The following VAV2 variants were observed in gnomAD, a reference collection of about 807,000 sequenced individuals.
VAV2 encodes the protein guanine nucleotide exchange factor VAV2.
A neutral mutation model predicts 132.5 loss-of-function variants in VAV2; 67 were observed. That is an observed-to-expected ratio of 0.51 (90% CI 0.42 to 0.62). The LOEUF is 0.62. Among genes scored for constraint, VAV2 ranks in the 20% least tolerant of loss-of-function variants. The pLI, the probability that VAV2 is intolerant of heterozygous loss-of-function variation, is 0.00. For missense variants in VAV2, 938 were observed against 1,153.6 expected (o/e 0.81, Z 2.71); for synonymous variants, 492 against 443.5 (o/e 1.11, Z -1.37).
intron 2 of VAV2, among the ~76,000 whole-genome samples, chr9:133,872,730 G>A (rs1838107947): frequency 1.4e-5 from 2 of 144,354 alleles, no homozygotes; most frequent in Admixed American, 6.7e-5. Context: ...GGGGCAGCAC[G>A]TCCTCTCCAG....
intron 9 of VAV2, among the ~76,000 whole-genome samples, chr9:133,799,938 T>C (rs1564359907): frequency 1.3e-5 from 2 of 152,040 alleles, no homozygotes; most frequent in Non-Finnish European, 2.9e-5. Flanking sequence ...GATCGGTGTT[T>C]TCTCCACCCT....
At chr9:133,792,042 G>GA in intron 12 of VAV2, among the ~76,000 whole-genome samples, 173 bp from the exon 13 acceptor site, 3 of 148,724 alleles carry the variant, frequency 2.0e-5, no homozygotes, top group South Asian at 2.1e-4. Context: ...GTGTGTGTGA[G>GA]CATGTGTGAG....
Position 133,885,595 on chromosome 9 carries a change from TG to T in VAV2, c.322-24164del, listed in dbSNP as rs1479886086. Among the ~76,000 whole-genome samples, 1 of 152,216 alleles carries T rather than the reference TG, an allele frequency of 6.6e-6. No individual in the cohort carries two copies. Among genetic ancestry groups the T allele is most frequent in the Non-Finnish European group, 1.5e-5 (1 of 68,034 alleles). On this transcript the variant is annotated intron_variant, in intron 2 of 29. Coordinates refer to ENST00000371850, the MANE Select transcript of VAV2 (RefSeq NM_001134398.2). This position sits in a 1 kb window ranked among gnomAD's most constrained non-coding sequence, Gnocchi z 5.0. ...AGGTGCTCAGGCCGCAGGGGAGACG[TG>T]ACCCCAGGGCGGACCCCTCCCAAGC...
intron 1 of VAV2, among the ~76,000 whole-genome samples, chr9:133,953,259 G>A (rs1221685347): frequency 2.6e-5 from 4 of 152,242 alleles, no homozygotes; most frequent in South Asian, 2.1e-4. Context: ...GGGCAACTCC[G>A]GTGGCCAGCT....
At chr9:133,851,888 C>CATGGATGG (rs1179958105) in intron 3 of VAV2, among the ~76,000 whole-genome samples, 12 of 106,798 alleles carry the variant, frequency 1.1e-4, no homozygotes, top group East Asian at 5.4e-4. Context: ...TGGATGGATG[C>CATGGATGG]ATGGATGGAT....
At chr9:133,766,673 G>C (rs1009933938) in intron 29 of VAV2, among the ~76,000 whole-genome samples, 8 of 150,724 alleles carry the variant, frequency 5.3e-5, no homozygotes, top group Non-Finnish European at 8.8e-5. Context: ...TAGTTAATGG[G>C]TGCAGCACAC....
intron 3 of VAV2, among the ~76,000 whole-genome samples, chr9:133,841,129 GGGAC>G (rs956800405): frequency 7.2e-5 from 11 of 152,108 alleles, no homozygotes; most frequent in Admixed American, 4.6e-4. Context: ...TGGGTTCTAG[GGGAC>G]GAGCCCGGAC....
intron 1 of VAV2, among the ~76,000 whole-genome samples, chr9:133,948,284 A>T (rs763920825): frequency 2.6e-5 from 4 of 152,232 alleles, no homozygotes; most frequent in Admixed American, 2.0e-4. Flanking sequence ...CTCCGCACGC[A>T]CCAGGACCAA....
In VAV2 at chr9:133,783,491, G is replaced by C. The variant is rs1834089024; in HGVS notation, c.1723+12C>G. 6.2e-7 allele frequency: 1 copy of C among 1,607,920 alleles called. No individual in the cohort carries two copies. On this transcript the variant is annotated intron_variant, in intron 19 of 29. Coordinates refer to ENST00000371850, the MANE Select transcript of VAV2 (RefSeq NM_001134398.2). ...CCAGGGACTGGGGTGGGGGGGTGAG[G>C]GGGGTACTCACTGAACTTGCAGGGA...
chr9:133,910,823 C>CACAAAAA (rs1839856061), intron 2 of VAV2, among the ~76,000 whole-genome samples: 1 of 100,570 alleles, frequency 9.9e-6, no homozygotes, highest in African/African-American at 3.6e-5. Flanking sequence ...GACTCGGTCT[C>CACAAAAA]AAAAAAAAAA....
chr9:133,904,377 G>C (rs1839560518), intron 2 of VAV2, among the ~76,000 whole-genome samples: 1 of 152,220 alleles, frequency 6.6e-6, no homozygotes, highest in Non-Finnish European at 1.5e-5. Context: ...ACCAATAAAA[G>C]CGACCATCAA....
At chr9:133,815,065 T>C (rs1835505956) in intron 4 of VAV2, among the ~76,000 whole-genome samples, 1 of 151,930 alleles carries the variant, frequency 6.6e-6, no homozygotes, top group African/African-American at 2.4e-5. Flanking sequence ...AGCCCAAACA[T>C]ATTAAGGAGG....
rs569487591 is a variant in VAV2, at chr9:133,973,734, T to C, written c.204+18341A>G. On this transcript the variant is annotated intron_variant, in intron 1 of 29. Coordinates refer to ENST00000371850, the MANE Select transcript of VAV2 (RefSeq NM_001134398.2). ...GCCCTCGCCCTTTGTCCCTGGGACA[T>C]TGCCAGTGTGTGGCTACCCACGCCT... 2.6e-5 allele frequency among the ~76,000 whole-genome samples: 4 copies of C among 152,266 alleles called. No individual in the cohort carries two copies. The South Asian group carries it at 8.3e-4, about 32-fold the overall frequency.
chr9:133,841,325 T>A (rs1836713917), intron 3 of VAV2, among the ~76,000 whole-genome samples: 1 of 151,620 alleles, frequency 6.6e-6, no homozygotes, highest in African/African-American at 2.4e-5. Context: ...CAAAACCATC[T>A]CGGATGCAGC....
intron 23 of VAV2, 49 bp from the exon 24 acceptor site, chr9:133,776,129 G>C (rs1316241004): frequency 1.9e-6 from 3 of 1,604,842 alleles, no homozygotes; most frequent in Non-Finnish European, 2.6e-6. Flanking sequence ...GCCACTCACA[G>C]AGCAGGGCTC....
At position 133,919,331 on chromosome 9, in the gene VAV2, C is replaced by T. The variant is rs1354555216; in HGVS notation, c.321+19772G>A. On this transcript the variant is annotated intron_variant, in intron 2 of 29. Coordinates refer to ENST00000371850, the MANE Select transcript of VAV2 (RefSeq NM_001134398.2). This position sits in a 1 kb window ranked among gnomAD's most constrained non-coding sequence, Gnocchi z 5.8. ...GCTGGCACTTGTGGGAAAATAGAGG[C>T]TCAGAAAGGCTGGAGACTCTTAGGG... 6.6e-6 allele frequency among the ~76,000 whole-genome samples: 1 copy of T among 152,198 alleles called. No individual in the cohort carries two copies. Among genetic ancestry groups the T allele is most frequent in the Admixed American group, 6.5e-5 (1 of 15,278 alleles).
chr9:133,978,351 A>G (rs1842583312), intron 1 of VAV2, among the ~76,000 whole-genome samples: 1 of 152,212 alleles, frequency 6.6e-6, no homozygotes. Context: ...CCTTAACAAC[A>G]GAAGACAGGC....
chr9:133,876,424 A>G (rs10993838), intron 2 of VAV2, among the ~76,000 whole-genome samples: 1 of 152,216 alleles, frequency 6.6e-6, no homozygotes, highest in Non-Finnish European at 1.5e-5. Context: ...TCCCCTAAGG[A>G]AGGCAGGCCC....
chr9:133,889,848 T>C (rs1430281366), intron 2 of VAV2, among the ~76,000 whole-genome samples: 4 of 152,172 alleles, frequency 2.6e-5, no homozygotes, highest in Admixed American at 2.6e-4. Context: ...CAACTGTTAA[T>C]GTCGATACAA....
Sources: gnomAD v4.1 joint callset for allele counts (sites outside exome capture counted in the v4.1 genomes callset) on GRCh38, gnomAD v4.1.1 for gene constraint, Gnocchi (gnomAD v3.1) non-coding constraint, MANE v1.5 for transcripts, NCBI Gene and HGNC (gene_info 2026-07-23, HGNC 2026-07-21) for gene names.